SOCS6: variants seen among roughly 807,000 people sequenced by gnomAD.
SOCS6 encodes suppressor of cytokine signaling 6.
In SOCS6, 5 loss-of-function variants were observed where a neutral mutation model predicts 27.7. The ratio of observed to expected loss-of-function variants is 0.18; its 90% CI spans 0.09 to 0.38. The LOEUF (loss-of-function observed/expected upper bound fraction) is 0.38, where lower values mean the gene tolerates loss of function less well. Among genes scored for constraint, SOCS6 ranks in the 10% least tolerant of loss-of-function variants. The pLI is 1.00. For synonymous variants in SOCS6, 271 were observed against 260.0 expected, an observed-to-expected ratio of 1.04 and a Z score of -0.41; for missense variants, 595 against 688.1, an observed-to-expected ratio of 0.86 and a Z score of 1.51.
intron 1 of SOCS6, among the ~76,000 whole-genome samples, chr18:70,295,988 G>A (rs923815047): frequency 1.2e-4 from 18 of 152,184 alleles, no homozygotes; most frequent in African/African-American, 3.4e-4. Context: ...GCAGGGTGAC[G>A]TGTGTTTGAT....
rs983744772 is a variant in SOCS6 at position 70,298,961 on chromosome 18, C to T, written c.-127+9871C>T. On this transcript the variant is annotated intron_variant, in intron 1 of 1. Transcript: ENST00000397942. ...CCAACGTGGCAAAACCCCGTGTCTA[C>T]TAAAAATACAAAAATTAGCCAGGCA... is the stretch of plus-strand genomic sequence containing the variant. Among the ~76,000 whole-genome samples, 34 of 152,114 alleles carry T rather than the reference C, an allele frequency of 2.2e-4. 1 individual carries two copies. Among genetic ancestry groups the T allele is most frequent in the East Asian group, 3.9e-4 (2 of 5,154 alleles).
chr18:70,314,373 G>T (rs936099448), intron 1 of SOCS6: 7 of 152,148 alleles, frequency 4.6e-5, no homozygotes, highest in African/African-American at 1.2e-4. Context: ...CCTGCAAAAT[G>T]ACAGTTTAGT....
chr18:70,324,522 TTTTATA>T lies in SOCS6; in HGVS notation c.-126-17_-126-12del. Reference sequence around the variant, plus strand: ...TGGAAATATTTTTTAATATGACTCTTTTTATATTTTTATTTTTTAGAAAATGGCTCC... The same window carrying T: ...TGGAAATATTTTTTAATATGACTCTTTTTTTATTTTTTAGAAAATGGCTCC... On this transcript the variant is annotated splice_polypyrimidine_tract_variant and intron_variant, in intron 1 of 1. Transcript: ENST00000397942. 3.4e-6 allele frequency: 2 copies of T among 588,290 alleles called. No individual in the cohort carries two copies. The highest frequency in any genetic ancestry group is 5.8e-6 in the Non-Finnish European group (2 of 347,464). 36.4% of individuals were successfully genotyped at this position (588,290 alleles called of 1,614,324 possible). A position where few individuals can be genotyped will look rare whatever the true frequency, so the allele number is the denominator to read the frequency against.
At chr18:70,299,142 T>C (rs2062337233) in intron 1 of SOCS6, among the ~76,000 whole-genome samples, 1 of 151,888 alleles carries the variant, frequency 6.6e-6, no homozygotes, top group Non-Finnish European at 1.5e-5. Flanking sequence ...AAAAGAAAAC[T>C]GAGTCCAACA....
At position 70,325,385 on chromosome 18, in the gene SOCS6, C is replaced by T. The variant is rs768244492; in HGVS notation, c.717C>T (p.Ser239=). The T allele has an allele frequency of 2.5e-6, 4 of 1,614,174 alleles. No individual in the cohort carries two copies. The highest frequency in any genetic ancestry group is 2.7e-5 in the African/African-American group (2 of 75,050). Residue 239 remains serine, a synonymous_variant, in exon 2 of 2, where the codon AGC becomes AGT. Transcript: ENST00000397942. The surrounding 1 kb of genome is among the most constrained non-coding windows in gnomAD (Gnocchi z 6.3). The part of the protein sequence containing the change: ...EGMYPLEGSR[S]YCLDSSSPME... ...TGTATCCTTTGGAAGGATCACGGAG[C>T]TATTGTCTGGACAGCTCTTCTCCCA... is the stretch of plus-strand genomic sequence containing the variant.
At chr18:70,304,241 A>AC (rs2062360010) in intron 1 of SOCS6, among the ~76,000 whole-genome samples, 2 of 116,960 alleles carry the variant, frequency 1.7e-5, no homozygotes, top group Non-Finnish European at 3.5e-5. Flanking sequence ...CAGTAAAGAA[A>AC]AAGAAAAGAC....
At chr18:70,301,985 C>T (rs968409228) in intron 1 of SOCS6, among the ~76,000 whole-genome samples, 3 of 152,130 alleles carry the variant, frequency 2.0e-5, no homozygotes, top group African/African-American at 4.8e-5. Flanking sequence ...GGAGAGGAAT[C>T]GTGGGCATCA....
intron 1 of SOCS6, among the ~76,000 whole-genome samples, chr18:70,312,139 A>G (rs2062393062): frequency 6.6e-6 from 1 of 152,214 alleles, no homozygotes; most frequent in Non-Finnish European, 1.5e-5. Context: ...TGATATGTCT[A>G]AGATCACAAA....
At chr18:70,293,605 G>A (rs1209312291) in intron 1 of SOCS6, among the ~76,000 whole-genome samples, 1 of 152,056 alleles carries the variant, frequency 6.6e-6, no homozygotes, top group African/African-American at 2.4e-5. Context: ...AATCTCCTTT[G>A]GAATTAGAAA....
At chr18:70,295,168 C>T (rs553765351) in intron 1 of SOCS6, among the ~76,000 whole-genome samples, 3 of 152,332 alleles carry the variant, frequency 2.0e-5, no homozygotes, top group Admixed American at 6.5e-5. Context: ...ACTTAATATA[C>T]ACACTTGTGC....
At chr18:70,310,925 G>T (rs147273569) in intron 1 of SOCS6, among the ~76,000 whole-genome samples, 341 of 152,276 alleles carry the variant, frequency 2.2e-3, no homozygotes, top group African/African-American at 7.7e-3. Flanking sequence ...GGTTCAGTTT[G>T]CTCTTCTATA....
rs41535447 is a variant in SOCS6 at position 70,325,508 on chromosome 18, C to T, written c.840C>T (p.Phe280=). Reference sequence around the variant, plus strand: ...ACCTAGTTGTCGCCCCAGAGATCTTCGTGGATCAGTCCGTGAATGGCTTGT... The same window carrying T: ...ACCTAGTTGTCGCCCCAGAGATCTTTGTGGATCAGTCCGTGAATGGCTTGT... ...DQDLVVAPEI[F]VDQSVNGLLI... Residue 280 remains phenylalanine (F), a synonymous_variant, in exon 2 of 2, where the codon TTC becomes TTT. Coordinates refer to ENST00000397942, the MANE Select transcript of SOCS6 (RefSeq NM_004232.4). This position sits in a 1 kb window ranked among gnomAD's most constrained non-coding sequence, Gnocchi z 6.3. 350 of 1,614,076 alleles carry T rather than the reference C, an allele frequency of 2.2e-4. No homozygotes were observed. In the African/African-American group the frequency reaches 3.8e-3, roughly 18 times the overall value.
chr18:70,305,265 A>C (rs2062364741), intron 1 of SOCS6, among the ~76,000 whole-genome samples: 1 of 152,206 alleles, frequency 6.6e-6, no homozygotes, highest in Non-Finnish European at 1.5e-5. Flanking sequence ...TATATGACCC[A>C]TTTTGACTTA....
At chr18:70,299,752 A>G (rs1410971518) in intron 1 of SOCS6, among the ~76,000 whole-genome samples, 2 of 152,242 alleles carry the variant, frequency 1.3e-5, no homozygotes, top group African/African-American at 2.4e-5. Context: ...GAACTGTGCC[A>G]GGAACTAGAG....
intron 1 of SOCS6, among the ~76,000 whole-genome samples, chr18:70,304,561 G>A (rs540961969): frequency 5.3e-5 from 8 of 152,116 alleles, no homozygotes; most frequent in South Asian, 2.1e-4. Context: ...GCACCTTTTC[G>A]TGTGCTTATT....
chr18:70,302,068 G>A (rs2062350502), intron 1 of SOCS6, among the ~76,000 whole-genome samples: 1 of 152,220 alleles, frequency 6.6e-6, no homozygotes. Context: ...GGTGAGGAAG[G>A]TGGGGTCCCC....
intron 1 of SOCS6, among the ~76,000 whole-genome samples, chr18:70,313,951 A>G (rs536388930): frequency 2.0e-5 from 3 of 152,294 alleles, no homozygotes; most frequent in Non-Finnish European, 4.4e-5. Context: ...GTGTCTATGT[A>G]TATTTGATCT....
At chr18:70,322,854 C>G (rs976282622) in intron 1 of SOCS6, among the ~76,000 whole-genome samples, 1 of 152,152 alleles carries the variant, frequency 6.6e-6, no homozygotes, top group Non-Finnish European at 1.5e-5. Flanking sequence ...GCACACCACC[C>G]GAATCCTATC....
At chr18:70,317,774 G>A (rs967519872) in intron 1 of SOCS6, among the ~76,000 whole-genome samples, 3 of 151,816 alleles carry the variant, frequency 2.0e-5, no homozygotes, top group Non-Finnish European at 4.4e-5. Context: ...CCAGTTTTCC[G>A]TAGTGGTTCT....
Sources: gnomAD v4.1 joint callset for allele counts (sites outside exome capture counted in the v4.1 genomes callset) on GRCh38, gnomAD v4.1.1 for gene constraint, Gnocchi (gnomAD v3.1) non-coding constraint, MANE v1.5 for transcripts, NCBI Gene and HGNC (gene_info 2026-07-23, HGNC 2026-07-21) for gene names.